EGF: variants seen among roughly 807,000 people sequenced by gnomAD.
EGF encodes epidermal growth factor.
In EGF, 95 loss-of-function variants were observed where a neutral mutation model predicts 143.8. The ratio of observed to expected loss-of-function variants is 0.66; its 90% confidence interval spans 0.56 to 0.78. EGF has a LOEUF of 0.78. Among genes scored for constraint, EGF ranks in the 30% least tolerant of loss-of-function variants. The probability of loss-of-function intolerance (pLI) is 0.00; values close to 1 mark genes in which losing one functional copy is unlikely to be tolerated. For missense variants in EGF, 1,320 were observed against 1,470.9 expected, an observed-to-expected ratio of 0.90 and a Z score of 1.68; for synonymous variants, 510 against 510.5, an observed-to-expected ratio of 1.00 and a Z score of 0.01.
intron 18 of EGF, among the ~76,000 whole-genome samples, chr4:109,993,026 A>G (rs998359695): frequency 3.9e-5 from 6 of 151,938 alleles, no homozygotes; most frequent in Non-Finnish European, 8.8e-5. Flanking sequence ...CAGCACACCA[A>G]CATGGCACAT....
intron 17 of EGF, 36 bp from the exon 18 acceptor site, chr4:109,988,548 C>G: frequency 6.2e-7 from 1 of 1,613,440 alleles, no homozygotes; most frequent in Non-Finnish European, 8.5e-7. Context: ...ATCAGGATTG[C>G]CTAAATATTG....
At chr4:109,964,336 C>T (rs1213063398) in intron 9 of EGF, 65 bp from the exon 10 acceptor site, 1 of 1,606,784 alleles carries the variant, frequency 6.2e-7, no homozygotes, top group Non-Finnish European at 8.5e-7. Context: ...AGGGAAGAGT[C>T]AGAGATGCCT....
At chr4:110,001,530 G>GAA in intron 21 of EGF, 3 of 797,236 alleles carry the variant, frequency 3.8e-6, no homozygotes, top group Non-Finnish European at 3.0e-6. Context: ...CAAAGGGCAG[G>GAA]AAAAAAAAAT....
chr4:110,009,955 C>G (rs982250920), intron 23 of EGF, among the ~76,000 whole-genome samples: 6 of 152,150 alleles, frequency 3.9e-5, no homozygotes, highest in Non-Finnish European at 8.8e-5. Context: ...TGAATTCAGA[C>G]CAGGCACAGT....
Position 109,913,407 on chromosome 4 carries a change from G to A in EGF, c.72G>A (p.Gln24=). The change falls in exon 1 of 24, where the codon CAG becomes CAA. Residue 24 remains glutamine (Q), a synonymous_variant. Transcript: ENST00000265171. ...GTTTTGTTAGTCTCTCAGCACCGCA[G>A]CACTGGAGCTGTCCTGAAGGTACTC... ...KFSFVSLSAP[Q]HWSCPEGTLA... is the part of the protein sequence containing the mutation. The A allele has an allele frequency of 1.2e-6, 2 of 1,614,006 alleles. No homozygotes were observed.
At chr4:109,946,382 T>C (rs1375406379) in intron 5 of EGF, among the ~76,000 whole-genome samples, 2 of 152,224 alleles carry the variant, frequency 1.3e-5, no homozygotes, top group African/African-American at 4.8e-5. Context: ...TAAAATTTAG[T>C]GCAAGTCTTG....
chr4:109,950,033 C>A (rs1384749301), intron 5 of EGF, among the ~76,000 whole-genome samples: 1 of 152,206 alleles, frequency 6.6e-6, no homozygotes, highest in Non-Finnish European at 1.5e-5. Flanking sequence ...GGTCCTTCTT[C>A]TGGGCCTTGC....
chr4:110,002,216 G>C (rs1435519707), intron 21 of EGF, among the ~76,000 whole-genome samples: 1 of 152,096 alleles, frequency 6.6e-6, no homozygotes, highest in African/African-American at 2.4e-5. Context: ...TTGTGTGCTG[G>C]GTGTGGTGGC....
chr4:109,940,868 G>T (rs1289376623), intron 1 of EGF, 78 bp from the exon 2 acceptor site: 1 of 1,375,972 alleles, frequency 7.3e-7, no homozygotes, highest in East Asian at 2.3e-5. Context: ...GCTTGTGTTG[G>T]TTGTCATTGG....
At position 110,013,039 on chromosome 4, in the gene EGF, AT is replaced by A. The variant is rs558552967; in HGVS notation, c.*1586del. Among the ~76,000 whole-genome samples the A allele has an allele frequency of 1.7e-3, 266 of 152,284 alleles. 2 individuals are homozygous for A. Among genetic ancestry groups the A allele is most frequent in the Middle Eastern group, 0.017 (5 of 294 alleles). Reference sequence around the variant, plus strand: ...GGAGGATGACTTGAGGTTTGTGGATATTAGTTAATTATTCAGTATGATACCT... The same window carrying A: ...GGAGGATGACTTGAGGTTTGTGGATATAGTTAATTATTCAGTATGATACCT... On this transcript the variant is annotated 3_prime_UTR_variant, in exon 24 of 24. Transcript: ENST00000265171.
intron 18 of EGF, 23 bp from the exon 19 acceptor site, chr4:109,993,224 C>T: frequency 6.2e-7 from 1 of 1,613,050 alleles, no homozygotes; most frequent in Non-Finnish European, 8.5e-7. Context: ...CTTTTCTCTC[C>T]CGTACTCTGT....
intron 21 of EGF, chr4:110,001,818 T>A (rs1474722867): frequency 2.0e-6 from 2 of 985,304 alleles, no homozygotes; most frequent in East Asian, 2.3e-4. Context: ...AAAAGAAAGC[T>A]CATCAGAACC....
intron 1 of EGF, among the ~76,000 whole-genome samples, chr4:109,929,569 A>G (rs556423360): frequency 2.0e-5 from 3 of 152,268 alleles, no homozygotes; most frequent in South Asian, 4.1e-4. Flanking sequence ...TATCCTGAGG[A>G]CCTGGAAAGT....
rs1560643572 is a variant in EGF, at chr4:109,932,383, T to TATATATATATATAAA, written c.128-8563_128-8562insATATATATATATAAA. The stretch of plus-strand genomic sequence containing the variant: ...GTCATATATATATATATATAAATTT[T>TATATATATATATAAA]TTTTTTTTTTTTTGAGACGGAGTCT... On this transcript the variant is annotated intron_variant, in intron 1 of 23. Coordinates refer to ENST00000265171, the MANE Select transcript of EGF (RefSeq NM_001963.6). 8.1e-5 allele frequency among the ~76,000 whole-genome samples: 7 copies of TATATATATATATAAA among 86,714 alleles called. No homozygotes were observed. The South Asian group carries it at 2.1e-3, about 26-fold the overall frequency. The allele number at this position is 86,714 out of a possible 152,430, so 56.9% of individuals were successfully genotyped here.
Position 109,931,279 on chromosome 4 carries a change from G to T in EGF, c.128-9667G>T, listed in dbSNP as rs1739641819. ...TTATTCACAAAGCCTAATTCTCAAAGTGTTTCATTTTCTTTAAAATTATAT... is the reference window on the plus strand; with the variant it reads ...TTATTCACAAAGCCTAATTCTCAAATTGTTTCATTTTCTTTAAAATTATAT... On this transcript the variant is annotated intron_variant, in intron 1 of 23. Transcript: ENST00000265171. Among the ~76,000 whole-genome samples, 5 of 152,148 alleles carry T rather than the reference G, an allele frequency of 3.3e-5. No individual in the cohort carries two copies. In the South Asian group the frequency reaches 8.3e-4, roughly 25 times the overall value.
At position 110,011,546 on chromosome 4, in the gene EGF, G is replaced by A; in HGVS notation, c.*91G>A. 1 of 1,597,668 alleles carries A rather than the reference G, an allele frequency of 6.3e-7. No individual in the cohort carries two copies. The highest frequency in any genetic ancestry group is 1.1e-5 in the South Asian group (1 of 90,054). ...AAAGTAGAGCAAAACTATAGGTTTT[G>A]GTTCCACAATCTCTACGACTAATCA... On this transcript the variant is annotated 3_prime_UTR_variant, in exon 24 of 24. Coordinates refer to ENST00000265171, the MANE Select transcript of EGF (RefSeq NM_001963.6).
chr4:109,919,444 C>T (rs1737390956), intron 1 of EGF, among the ~76,000 whole-genome samples: 1 of 151,670 alleles, frequency 6.6e-6, no homozygotes. Flanking sequence ...CTGGGGAGTG[C>T]CTTTACTTTG....
At chr4:110,004,809 C>A (rs1468016342) in intron 22 of EGF, among the ~76,000 whole-genome samples, 187 bp downstream of exon 22, 1 of 152,030 alleles carries the variant, frequency 6.6e-6, no homozygotes, top group Non-Finnish European at 1.5e-5. Context: ...GTGTTGTTAA[C>A]TAAAGGAATC....
Position 109,919,287 on chromosome 4 carries a change from G to GTCTCTC in EGF, c.127+5874_127+5879dup, listed in dbSNP as rs58110007. On this transcript the variant is annotated intron_variant, in intron 1 of 23. Transcript: ENST00000265171. ...AGGTATTAGGAATGCATGCTTCTCT[G>GTCTCTC]TCTCTCTCTCTCTCTCTCTCTCTCT... is the stretch of plus-strand genomic sequence containing the variant. 4.9e-3 allele frequency among the ~76,000 whole-genome samples: 371 copies of GTCTCTC among 75,872 alleles called. 12 individuals carry two copies. Among genetic ancestry groups the GTCTCTC allele is most frequent in the Non-Finnish European group, 5.3e-3 (196 of 37,176 alleles). 49.8% of individuals were successfully genotyped at this position (75,872 alleles called of 152,430 possible).
Sources: gnomAD v4.1 joint callset for allele counts (sites outside exome capture counted in the v4.1 genomes callset) on GRCh38, gnomAD v4.1.1 for gene constraint, MANE v1.5 for transcripts, NCBI Gene and HGNC (gene_info 2026-07-23, HGNC 2026-07-21) for gene names.